NRP1: variants seen among roughly 807,000 people sequenced by gnomAD.
The protein encoded by NRP1 is neuropilin-1.
A neutral mutation model predicts 106.7 loss-of-function variants in NRP1; 35 were observed. The observed-to-expected ratio is 0.33, with a 90% CI of 0.25 to 0.43. The LOEUF is 0.43. Ranked by LOEUF, NRP1 falls within the 20% of genes least tolerant of loss-of-function variation. The probability of loss-of-function intolerance (pLI) is 1.00; values close to 1 mark genes in which losing one functional copy is unlikely to be tolerated. For synonymous variants in NRP1, 437 were observed against 417.9 expected (o/e 1.05, Z -0.56); for missense variants, 1,024 against 1,170.4 (o/e 0.87, Z 1.83).
chr10:33,208,614 G>A (rs1282756429), intron 9 of NRP1, among the ~76,000 whole-genome samples: 2 of 152,030 alleles, frequency 1.3e-5, no homozygotes, highest in Non-Finnish European at 2.9e-5. Flanking sequence ...AGGCGGAGGG[G>A]GAGGAGGAAA....
chr10:33,203,203 C>T (rs1837482083), intron 10 of NRP1, among the ~76,000 whole-genome samples: 1 of 152,204 alleles, frequency 6.6e-6, no homozygotes, highest in African/African-American at 2.4e-5. Flanking sequence ...GTATTTGATT[C>T]GTATCTGCCG....
intron 12 of NRP1, 60 bp downstream of exon 12, chr10:33,197,590 G>A (rs578147167): frequency 1.1e-5 from 15 of 1,341,514 alleles, no homozygotes; most frequent in South Asian, 2.8e-5. Context: ...AGCGAGGAGC[G>A]CAGCCGCGGA....
At chr10:33,283,588 T>C (rs908289929) in intron 2 of NRP1, among the ~76,000 whole-genome samples, 1 of 152,196 alleles carries the variant, frequency 6.6e-6, no homozygotes, top group Admixed American at 6.5e-5. Flanking sequence ...CAGAGAATCA[T>C]TGTTTATTGT....
chr10:33,270,602 CA>C, intron 3 of NRP1, 72 bp downstream of exon 3: 1 of 1,345,632 alleles, frequency 7.4e-7, no homozygotes. Context: ...GCTGAGATTA[CA>C]GGGGTGAGCC....
chr10:33,200,350 G>C (rs1173753731), intron 11 of NRP1, among the ~76,000 whole-genome samples: 1 of 152,122 alleles, frequency 6.6e-6, no homozygotes, highest in Non-Finnish European at 1.5e-5. Flanking sequence ...TTTCAGGGAA[G>C]CATTTTCACC....
intron 6 of NRP1, among the ~76,000 whole-genome samples, chr10:33,240,582 A>G (rs1453492699): frequency 6.6e-6 from 1 of 152,218 alleles, no homozygotes; most frequent in East Asian, 1.9e-4. Context: ...CTCTTGGCCT[A>G]TAAAGTTTGA....
chr10:33,246,153 T>A (rs1157953755), intron 6 of NRP1, among the ~76,000 whole-genome samples: 2 of 151,110 alleles, frequency 1.3e-5, no homozygotes, highest in African/African-American at 4.9e-5. Flanking sequence ...TGGTAATTTC[T>A]ACAAAACAAA....
intron 8 of NRP1, among the ~76,000 whole-genome samples, chr10:33,218,854 T>C (rs1391552145): frequency 6.6e-6 from 1 of 152,110 alleles, no homozygotes; most frequent in Non-Finnish European, 1.5e-5. Flanking sequence ...TGCATAAAAC[T>C]GCACTTCCTT....
At chr10:33,254,861 G>A (rs904731978) in intron 5 of NRP1, among the ~76,000 whole-genome samples, 12 of 152,228 alleles carry the variant, frequency 7.9e-5, no homozygotes, top group Admixed American at 5.9e-4. Context: ...ACAACAGTGA[G>A]CATAAGAATG....
intron 2 of NRP1, among the ~76,000 whole-genome samples, chr10:33,294,001 C>G (rs2132649601): frequency 6.6e-6 from 1 of 152,336 alleles, no homozygotes; most frequent in East Asian, 1.9e-4. Context: ...ATACACTCTT[C>G]ATTTTACATT....
At chr10:33,227,604 G>A (rs1190765815) in intron 6 of NRP1, among the ~76,000 whole-genome samples, 1 of 152,072 alleles carries the variant, frequency 6.6e-6, no homozygotes, top group African/African-American at 2.4e-5. Flanking sequence ...ACCTTCTCCT[G>A]GTAAGTTTCC....
At chr10:33,188,754 G>A (rs902232602) in intron 13 of NRP1, among the ~76,000 whole-genome samples, 29 of 151,288 alleles carry the variant, frequency 1.9e-4, no homozygotes, top group African/African-American at 7.1e-4. Flanking sequence ...GCGGGCATCT[G>A]TAGTAGCTCC....
At chr10:33,322,531 G>T (rs986932391) in intron 2 of NRP1, among the ~76,000 whole-genome samples, 2 of 152,028 alleles carry the variant, frequency 1.3e-5, no homozygotes, top group Non-Finnish European at 2.9e-5. Context: ...TTACAGGTGT[G>T]CACCACCACA....
chr10:33,239,751 C>T (rs541100123), intron 6 of NRP1, among the ~76,000 whole-genome samples: 5 of 152,262 alleles, frequency 3.3e-5, no homozygotes, highest in South Asian at 4.1e-4. Context: ...ATACATTTTT[C>T]GCTATATCTA....
At chr10:33,278,154 G>A (rs1361580729) in intron 2 of NRP1, among the ~76,000 whole-genome samples, 1 of 151,320 alleles carries the variant, frequency 6.6e-6, no homozygotes, top group African/African-American at 2.4e-5. Flanking sequence ...TTTTTCTGTT[G>A]GGGCAAGCAC....
At chr10:33,202,811 C>T (rs937643609) in intron 11 of NRP1, 80 bp downstream of exon 11, 6 of 1,612,656 alleles carry the variant, frequency 3.7e-6, no homozygotes, top group Non-Finnish European at 3.4e-6. Context: ...GAGTTACAAG[C>T]ACACACACAG....
chr10:33,330,898 G>T lies in NRP1; in HGVS notation c.74-16C>A, dbSNP rs1338711758. 3.2e-6 allele frequency: 5 copies of T among 1,584,502 alleles called. No homozygotes were observed. In the African/African-American group the frequency reaches 4.1e-5, roughly 13 times the overall value. On this transcript the variant is annotated splice_polypyrimidine_tract_variant and intron_variant, in intron 1 of 16. Coordinates refer to ENST00000374867, the MANE Select transcript of NRP1 (RefSeq NM_003873.7). ...CCACATTTATCTGCAATGAAAGTAAGATTTTAGCAGATCTTTCCTGACAAC... is the reference window on the plus strand; with the variant it reads ...CCACATTTATCTGCAATGAAAGTAATATTTTAGCAGATCTTTCCTGACAAC...
intron 13 of NRP1, among the ~76,000 whole-genome samples, chr10:33,188,832 G>A (rs991961363): frequency 1.3e-5 from 2 of 149,894 alleles, no homozygotes; most frequent in African/African-American, 4.9e-5. Context: ...AGAATCGCTT[G>A]AACCTGGGAG....
At chr10:33,266,802 C>A (rs780966322) in intron 3 of NRP1, among the ~76,000 whole-genome samples, 4 of 152,158 alleles carry the variant, frequency 2.6e-5, no homozygotes, top group Non-Finnish European at 4.4e-5. Context: ...TAAGTGAGTT[C>A]TCATGAGAAC....
Sources: gnomAD v4.1 joint callset for allele counts (sites outside exome capture counted in the v4.1 genomes callset) on GRCh38, gnomAD v4.1.1 for gene constraint, MANE v1.5 for transcripts, NCBI Gene and HGNC (gene_info 2026-07-23, HGNC 2026-07-21) for gene names.